PCBP3: variants seen among roughly 807,000 people sequenced by gnomAD.
PCBP3 encodes poly(rC)-binding protein 3.
A neutral mutation model predicts 52.7 loss-of-function variants in PCBP3; 25 were observed. The ratio of observed to expected loss-of-function variants is 0.47; its 90% confidence interval spans 0.35 to 0.66. PCBP3 has a LOEUF of 0.66. Ranked by LOEUF, PCBP3 falls within the 30% of genes least tolerant of loss-of-function variation. The pLI, the probability that PCBP3 is intolerant of heterozygous loss-of-function variation, is 0.01. For synonymous variants in PCBP3, 162 were observed against 183.0 expected, an observed-to-expected ratio of 0.89 and a Z score of 0.93; for missense variants, 391 against 490.3, an observed-to-expected ratio of 0.80 and a Z score of 1.91.
intron 4 of PCBP3, among the ~76,000 whole-genome samples, chr21:45,815,910 GGTGAGTGATGA>G (rs2092924931): frequency 8.0e-6 from 1 of 124,878 alleles, no homozygotes; most frequent in Non-Finnish European, 1.7e-5. Context: ...ATGGGTGAGT[GGTGAGTGATGA>G]GTGAGTGGTG....
Position 45,656,722 on chromosome 21 carries a change from G to T in PCBP3, c.-278-12152G>T, listed in dbSNP as rs750711175. Among the ~76,000 whole-genome samples, 1 of 152,004 alleles carries T rather than the reference G, an allele frequency of 6.6e-6. No individual in the cohort carries two copies. The highest frequency in any genetic ancestry group is 1.5e-5 in the Non-Finnish European group (1 of 68,004). ...TTAAAAACTGGATTGTCTTTTTATCGCTGAGTTGTAAGTGTTCTTTATGTA... is the reference window on the plus strand; with the variant it reads ...TTAAAAACTGGATTGTCTTTTTATCTCTGAGTTGTAAGTGTTCTTTATGTA... On this transcript the variant is annotated intron_variant, in intron 1 of 17. Transcript: ENST00000681687. The surrounding 1 kb of genome is among the most constrained non-coding windows in gnomAD (Gnocchi z 4.3).
At chr21:45,666,079 A>G (rs1195196675) in intron 1 of PCBP3, among the ~76,000 whole-genome samples, 1 of 152,190 alleles carries the variant, frequency 6.6e-6, no homozygotes, top group Non-Finnish European at 1.5e-5. Flanking sequence ...CTTTTCATGA[A>G]AAAATCCTCA....
chr21:45,845,123 A>T (rs900238109), intron 4 of PCBP3, among the ~76,000 whole-genome samples: 1 of 152,172 alleles, frequency 6.6e-6, no homozygotes, highest in Non-Finnish European at 1.5e-5. Flanking sequence ...GGTCACTGAC[A>T]GTTCTGCTCT....
chr21:45,839,401 A>C (rs1422129029), intron 4 of PCBP3, among the ~76,000 whole-genome samples: 1 of 152,210 alleles, frequency 6.6e-6, no homozygotes, highest in Non-Finnish European at 1.5e-5. Context: ...TGTGTTTGAC[A>C]CTTACCACCA....
intron 13 of PCBP3, among the ~76,000 whole-genome samples, chr21:45,926,102 T>C (rs1286588735): frequency 2.6e-5 from 4 of 152,252 alleles, no homozygotes; most frequent in African/African-American, 9.6e-5. Flanking sequence ...CACAAAGCAA[T>C]TGCAGTCATG....
chr21:45,836,638 C>T (rs1029205639), intron 4 of PCBP3, among the ~76,000 whole-genome samples: 9 of 151,920 alleles, frequency 5.9e-5, no homozygotes, highest in South Asian at 4.2e-4. Context: ...CATGAACAGC[C>T]GTGACCCCAG....
intron 2 of PCBP3, among the ~76,000 whole-genome samples, chr21:45,699,689 C>T (rs2082989416): frequency 6.6e-6 from 1 of 152,204 alleles, no homozygotes; most frequent in Admixed American, 6.5e-5. Flanking sequence ...AAAGGCATGT[C>T]TCACATGGCA....
chr21:45,812,752 A>G (rs2092718458), intron 4 of PCBP3, among the ~76,000 whole-genome samples: 1 of 152,178 alleles, frequency 6.6e-6, no homozygotes, highest in African/African-American at 2.4e-5. Flanking sequence ...TTATTGATTG[A>G]TAATTTTGAT....
intron 17 of PCBP3, among the ~76,000 whole-genome samples, chr21:45,940,757 G>A (rs373813510): frequency 2.3e-5 from 3 of 128,476 alleles, no homozygotes; most frequent in African/African-American, 7.0e-5. Flanking sequence ...CAGTCCCCCC[G>A]CCAGGCATGC....
Position 45,788,788 on chromosome 21 carries a change from T to C in PCBP3, c.-126+33336T>C, listed in dbSNP as rs1408870589. The C allele has an allele frequency of 6.6e-6, 1 of 152,252 alleles. No homozygotes were observed. Among genetic ancestry groups the C allele is most frequent in the Non-Finnish European group, 1.5e-5 (1 of 68,056 alleles). The allele number at this position is 152,252 out of a possible 1,614,324, so 9.4% of individuals were successfully genotyped here. A position where few individuals can be genotyped will look rare whatever the true frequency, so the allele number is the denominator to read the frequency against. ...AAAAAGTTGTATTTCTTAAACAACA[T>C]GATCTGGAGTATGTGGTGACTGTCA... On this transcript the variant is annotated intron_variant, in intron 4 of 17. Coordinates refer to ENST00000681687, the MANE Select transcript of PCBP3 (RefSeq NM_001384156.1). The surrounding 1 kb of genome is among the most constrained non-coding windows in gnomAD (Gnocchi z 4.3).
intron 16 of PCBP3, among the ~76,000 whole-genome samples, chr21:45,936,025 C>G (rs200842163): frequency 2.0e-5 from 3 of 152,214 alleles, no homozygotes; most frequent in Non-Finnish European, 4.4e-5. Flanking sequence ...GGTGGCTGCC[C>G]CACTTACAGC....
At chr21:45,701,514 T>C (rs937925082) in intron 2 of PCBP3, among the ~76,000 whole-genome samples, 1 of 152,260 alleles carries the variant, frequency 6.6e-6, no homozygotes, top group Admixed American at 6.5e-5. Context: ...ACAATAATAA[T>C]GAACCCATTA....
intron 17 of PCBP3, 22 bp from the exon 18 acceptor site, chr21:45,941,648 C>G: frequency 6.2e-7 from 1 of 1,604,188 alleles, no homozygotes; most frequent in Non-Finnish European, 8.5e-7. Context: ...GTCTCTCCCT[C>G]TCCTGCCTTT....
At chr21:45,807,883 T>C (rs1267120572) in intron 4 of PCBP3, among the ~76,000 whole-genome samples, 3 of 151,986 alleles carry the variant, frequency 2.0e-5, no homozygotes, top group Admixed American at 6.6e-5. Flanking sequence ...AGGCCTCCGA[T>C]ATAATGCCAG....
At chr21:45,937,069 C>T (rs1038146898) in intron 16 of PCBP3, among the ~76,000 whole-genome samples, 4 of 152,212 alleles carry the variant, frequency 2.6e-5, no homozygotes, top group East Asian at 1.9e-4. Context: ...TGATGTTCCT[C>T]ACATGGTGGC....
intron 4 of PCBP3, among the ~76,000 whole-genome samples, chr21:45,764,118 TC>T (rs201693227): frequency 0.062 from 9,123 of 146,074 alleles, 223 homozygotes; most frequent in Non-Finnish European, 0.091. Context: ...CTTTTTTTTT[TC>T]TTTTTTTTTT....
chr21:45,814,714 T>G (rs1448983659), intron 4 of PCBP3, among the ~76,000 whole-genome samples: 25 of 52,892 alleles, frequency 4.7e-4, no homozygotes, highest in Non-Finnish European at 6.5e-4. Flanking sequence ...TGGTGAGTGA[T>G]GAGTGAGTGG....
intron 5 of PCBP3, among the ~76,000 whole-genome samples, chr21:45,855,771 G>A (rs895591631): frequency 6.6e-6 from 1 of 152,264 alleles, no homozygotes; most frequent in Non-Finnish European, 1.5e-5. Flanking sequence ...GGCACAGAAC[G>A]CGCTGCAGAG....
At chr21:45,819,442 C>T (rs796374168) in intron 4 of PCBP3, among the ~76,000 whole-genome samples, 30 of 152,328 alleles carry the variant, frequency 2.0e-4, no homozygotes, top group African/African-American at 5.5e-4. Flanking sequence ...TCTTTACAGA[C>T]GGGATGAAGG....
Sources: allele counts gnomAD v4.1 joint callset (sites outside exome capture counted in the v4.1 genomes callset), GRCh38; gene constraint gnomAD v4.1.1; non-coding constraint Gnocchi (gnomAD v3.1); transcripts MANE v1.5; gene names NCBI Gene and HGNC (gene_info 2026-07-23, HGNC 2026-07-21).